Variants in ERCC6 observed in about 807,000 individuals in gnomAD.
The protein encoded by ERCC6 is DNA excision repair protein ERCC-6.
ERCC6 carries 116 observed loss-of-function variants against 158.7 expected under a neutral mutation model. That is an observed-to-expected ratio of 0.73 (90% CI 0.63 to 0.85). ERCC6 has a LOEUF of 0.85. Ranked by LOEUF, ERCC6 falls within the 40% of genes least tolerant of loss-of-function variation. The probability of loss-of-function intolerance (pLI) is 0.00; values close to 1 mark genes in which losing one functional copy is unlikely to be tolerated. For synonymous variants in ERCC6, 678 were observed against 659.3 expected, an observed-to-expected ratio of 1.03 and a Z score of -0.43; for missense variants, 1,698 against 1,799.4, an observed-to-expected ratio of 0.94 and a Z score of 1.02.
intron 3 of ERCC6, 115 bp from the exon 4 acceptor site, chr10:49,528,640 A>C: frequency 7.6e-7 from 1 of 1,311,664 alleles, no homozygotes; most frequent in Non-Finnish European, 1.1e-6. Context: ...AAAATAATAT[A>C]CATTACATAA....
At position 49,524,530 on chromosome 10, in the gene ERCC6, G is replaced by A. The variant is rs2132621456; in HGVS notation, c.900C>T (p.Ala300=). The A allele has an allele frequency of 6.2e-7, 1 of 1,614,170 alleles. No individual in the cohort carries two copies. The highest frequency in any genetic ancestry group is 8.5e-7 in the Non-Finnish European group (1 of 1,180,034). ...CNKRAARKAP[A]PVTPPAPVQN... ...GCACTGGGGCTGGAGGCGTGACTGG[G>A]GCTGGAGCTTTTCTAGCTGCTCTTT... The change falls in exon 5 of 21, where the codon GCC becomes GCT. Residue 300 remains alanine (A), a synonymous_variant. Coordinates refer to ENST00000355832, the MANE Select transcript of ERCC6 (RefSeq NM_000124.4).
chr10:49,529,935 C>T (rs1213804157), intron 3 of ERCC6, among the ~76,000 whole-genome samples: 1 of 152,056 alleles, frequency 6.6e-6, no homozygotes, highest in African/African-American at 2.4e-5. Flanking sequence ...ATATTCCCTA[C>T]CCTTAAGTTT....
At chr10:49,450,594 T>C (rs775952263), downstream of ERCC6, among the ~76,000 whole-genome samples, 3 of 152,194 alleles carry the variant, frequency 2.0e-5, no homozygotes, top group Non-Finnish European at 4.4e-5. Flanking sequence ...TTGAGGAATA[T>C]TGTCATCTTA....
chr10:49,528,946 T>C (rs1373691427), intron 3 of ERCC6, among the ~76,000 whole-genome samples: 1 of 152,190 alleles, frequency 6.6e-6, no homozygotes, highest in Non-Finnish European at 1.5e-5. Context: ...AGATAAGAAA[T>C]AAAAACACAA....
At chr10:49,525,075 T>C (rs1837281030) in intron 4 of ERCC6, 2 of 487,070 alleles carry the variant, frequency 4.1e-6, no homozygotes, top group Non-Finnish European at 6.6e-6. Context: ...AATACAGTTA[T>C]AAATAGTCAA....
chr10:49,531,875 C>T (rs1411600463), intron 2 of ERCC6, among the ~76,000 whole-genome samples: 1 of 152,150 alleles, frequency 6.6e-6, no homozygotes, highest in Non-Finnish European at 1.5e-5. Context: ...CCAACGGGGG[C>T]CAAGCAGCAA....
At chr10:49,509,694 G>A (rs906550152) in intron 5 of ERCC6, among the ~76,000 whole-genome samples, 1 of 152,116 alleles carries the variant, frequency 6.6e-6, no homozygotes, top group Admixed American at 6.5e-5. Context: ...GGCCAAGTGA[G>A]CTGAAATCTT....
chr10:49,478,444 A>G lies in ERCC6; in HGVS notation c.2196T>C (p.Cys732=), dbSNP rs1850916885. ...ATGGATTTATGGTATCTCGTAAGAC[A>G]CATGCACACTTGTAAGCAGTTTTGA... ...VQVKTAYKCA[C]VLRDTINPYL... is the part of the protein sequence containing the mutation. The change falls in exon 11 of 21, where the codon TGT becomes TGC. Residue 732 remains cysteine, a synonymous_variant. Transcript: ENST00000355832. 1 of 1,613,450 alleles carries G rather than the reference A, an allele frequency of 6.2e-7. No homozygotes were observed. Among genetic ancestry groups the G allele is most frequent in the Admixed American group, 1.7e-5 (1 of 60,008 alleles).
chr10:49,519,325 G>A (rs1005786601), intron 5 of ERCC6, among the ~76,000 whole-genome samples: 13 of 152,184 alleles, frequency 8.5e-5, no homozygotes, highest in African/African-American at 2.2e-4. Flanking sequence ...TGGAGGGGCC[G>A]TGATTATAAC....
chr10:49,449,769 C>T (rs12412748), downstream of ERCC6, among the ~76,000 whole-genome samples: 12,653 of 152,012 alleles, frequency 0.083, 649 homozygotes, highest in South Asian at 0.19. Flanking sequence ...CCAGGCTGCT[C>T]TCAAACTCCT....
the ERCC6 span, among the ~76,000 whole-genome samples, chr10:49,445,359 G>A: frequency 2.0e-5 from 3 of 152,144 alleles, no homozygotes. Flanking sequence ...AAAGAATAAG[G>A]TTTATAAATA....
chr10:49,447,083 T>C, the ERCC6 span, among the ~76,000 whole-genome samples: 1 of 151,160 alleles, frequency 6.6e-6, no homozygotes, highest in African/African-American at 2.4e-5. Context: ...GACAAACAGA[T>C]GATAACCACA....
intron 5 of ERCC6, among the ~76,000 whole-genome samples, chr10:49,508,784 C>G (rs1418737843): frequency 1.3e-5 from 2 of 152,236 alleles, no homozygotes; most frequent in East Asian, 3.9e-4. Context: ...TCCACTGAAG[C>G]AGCACAGCTA....
the ERCC6 span, among the ~76,000 whole-genome samples, chr10:49,441,618 G>C: frequency 6.6e-6 from 1 of 151,958 alleles, no homozygotes; most frequent in Non-Finnish European, 1.5e-5. Context: ...CTGTCCCCCA[G>C]CCGCCGGCGT....
intron 5 of ERCC6, among the ~76,000 whole-genome samples, chr10:49,522,261 A>G (rs1051931754): frequency 6.6e-6 from 1 of 152,228 alleles, no homozygotes; most frequent in Non-Finnish European, 1.5e-5. Context: ...GAGTAACAAA[A>G]TATAGAGAGA....
In ERCC6 at chr10:49,497,058, T is replaced by C. The variant is rs1467472048; in HGVS notation, c.1685+3480A>G. Among the ~76,000 whole-genome samples the C allele has an allele frequency of 2.0e-5, 3 of 152,164 alleles. No homozygotes were observed. The East Asian group carries it at 5.8e-4, about 29-fold the overall frequency. On this transcript the variant is annotated intron_variant, in intron 7 of 20. Coordinates refer to ENST00000355832, the MANE Select transcript of ERCC6 (RefSeq NM_000124.4). ...CCAGCTACAGTCACTGTCCCTGCCC[T>C]TCAACTGGGTGGAAAGGGCCAGACT... is the stretch of plus-strand genomic sequence containing the variant.
At chr10:49,522,793 C>T (rs1453936833) in intron 5 of ERCC6, among the ~76,000 whole-genome samples, 2 of 152,190 alleles carry the variant, frequency 1.3e-5, no homozygotes, top group Non-Finnish European at 2.9e-5. Flanking sequence ...CAACATTCCT[C>T]AAACAACTTC....
At chr10:49,484,605 T>C (rs1333170533) in intron 8 of ERCC6, among the ~76,000 whole-genome samples, 1 of 152,048 alleles carries the variant, frequency 6.6e-6, no homozygotes, top group Admixed American at 6.5e-5. Flanking sequence ...CACTGCATGG[T>C]GGTGCACAGC....
At chr10:49,468,901 A>G (rs1289039841) in intron 18 of ERCC6, among the ~76,000 whole-genome samples, 1 of 152,206 alleles carries the variant, frequency 6.6e-6, no homozygotes, top group African/African-American at 2.4e-5. Context: ...CAAAGGAGCC[A>G]GCTTGAAGGA....
Sources: gnomAD v4.1 joint callset for allele counts (sites outside exome capture counted in the v4.1 genomes callset) on GRCh38, gnomAD v4.1.1 for gene constraint, MANE v1.5 for transcripts, NCBI Gene and HGNC (gene_info 2026-07-23, HGNC 2026-07-21) for gene names.